Variants in COL4A2 observed in about 807,000 individuals in gnomAD.
COL4A2 encodes the protein collagen type IV alpha 2 chain, also known as collagen alpha-2(IV) chain.
A neutral mutation model predicts 200.2 loss-of-function variants in COL4A2; 99 were observed. The observed-to-expected ratio is 0.49, with a 90% CI of 0.42 to 0.58. The LOEUF (loss-of-function observed/expected upper bound fraction) is 0.58, where lower values mean the gene tolerates loss of function less well. COL4A2 is among the 20% of genes least tolerant of loss of function. The probability of loss-of-function intolerance (pLI) is 0.00; values close to 1 mark genes in which losing one functional copy is unlikely to be tolerated. For missense variants in COL4A2, 1,950 were observed against 2,314.1 expected, an observed-to-expected ratio of 0.84 and a Z score of 3.23; for synonymous variants, 897 against 900.6, an observed-to-expected ratio of 1.00 and a Z score of 0.07.
chr13:110,325,763 A>G (rs1885390670), intron 3 of COL4A2, among the ~76,000 whole-genome samples: 1 of 151,508 alleles, frequency 6.6e-6, no homozygotes, highest in South Asian at 2.1e-4. Flanking sequence ...TTCCTGCCTT[A>G]TGAATGTGTC....
rs746902322 is a variant in COL4A2, at chr13:110,482,622, C to G, written c.2865C>G (p.Pro955=). 6.2e-7 allele frequency: 1 copy of G among 1,613,928 alleles called. No homozygotes were observed. Residue 955 remains proline, a synonymous_variant, in exon 32 of 48, where the codon CCC becomes CCG. Coordinates refer to ENST00000360467, the MANE Select transcript of COL4A2 (RefSeq NM_001846.4). The part of the protein sequence containing the change: ...SKGEAGFFGI[P]GLKGLAGEPG... ...GCGAGGCTGGATTTTTCGGAATACC[C>G]GGTCTGAAGGGTCTGGCTGGTGAGC... is the stretch of plus-strand genomic sequence containing the variant.
intron 4 of COL4A2, among the ~76,000 whole-genome samples, chr13:110,419,959 C>T (rs1258529788): frequency 3.9e-5 from 6 of 152,188 alleles, no homozygotes; most frequent in Non-Finnish European, 7.3e-5. Context: ...TTGAAAGTCA[C>T]CTATCTCTTC....
intron 4 of COL4A2, among the ~76,000 whole-genome samples, chr13:110,392,392 G>C (rs769245794): frequency 6.6e-6 from 1 of 152,188 alleles, no homozygotes; most frequent in Non-Finnish European, 1.5e-5. Flanking sequence ...GGTGGGTTTT[G>C]AAGAGGAGGA....
At chr13:110,399,200 C>T (rs754982414) in intron 4 of COL4A2, among the ~76,000 whole-genome samples, 5 of 152,194 alleles carry the variant, frequency 3.3e-5, no homozygotes, top group Non-Finnish European at 7.3e-5. Context: ...TTAACTCACA[C>T]ATCCGCACAG....
rs184646236 is a variant in COL4A2 at position 110,443,859 on chromosome 13, C to T, written c.958-1970C>T. 2.0e-5 allele frequency among the ~76,000 whole-genome samples: 3 copies of T among 152,318 alleles called. No homozygotes were observed. The East Asian group carries it at 5.8e-4, about 29-fold the overall frequency. On this transcript the variant is annotated intron_variant, in intron 16 of 47. Transcript: ENST00000360467. ...CTTGGCCATCCCTGCGCCTCCCCGA[C>T]CCTGTTGTGTTTGCCACTGAGAAAC...
At chr13:110,337,265 T>C (rs906485195) in intron 3 of COL4A2, among the ~76,000 whole-genome samples, 1 of 152,198 alleles carries the variant, frequency 6.6e-6, no homozygotes, top group Non-Finnish European at 1.5e-5. Flanking sequence ...CACAGCCAAG[T>C]TTGGAAACCA....
intron 4 of COL4A2, among the ~76,000 whole-genome samples, chr13:110,371,270 T>C (rs1216167149): frequency 6.6e-6 from 1 of 152,242 alleles, no homozygotes; most frequent in Admixed American, 6.5e-5. Flanking sequence ...TTCCTACAAT[T>C]AAGATACTTA....
intron 15 of COL4A2, among the ~76,000 whole-genome samples, chr13:110,438,870 A>G (rs1361584243): frequency 6.9e-6 from 1 of 144,738 alleles, no homozygotes; most frequent in Non-Finnish European, 1.5e-5. Context: ...TGCGCTGGCT[A>G]CAATCCGTGA....
At chr13:110,449,393 C>T (rs1484883731) in intron 18 of COL4A2, among the ~76,000 whole-genome samples, 3 of 152,108 alleles carry the variant, frequency 2.0e-5, no homozygotes, top group African/African-American at 4.8e-5. Context: ...GAGGCCTCCT[C>T]GCTCCCAGGC....
chr13:110,457,581 G>A (rs769893034), intron 21 of COL4A2, 146 bp downstream of exon 21: 3 of 707,466 alleles, frequency 4.2e-6, no homozygotes, highest in South Asian at 1.5e-5. Flanking sequence ...TCCCCTTGGC[G>A]GTGGCACTGA....
At chr13:110,400,800 T>C (rs184587996) in intron 4 of COL4A2, among the ~76,000 whole-genome samples, 121 of 152,224 alleles carry the variant, frequency 7.9e-4, no homozygotes, top group Admixed American at 2.4e-3. Context: ...CGTACACATA[T>C]TCTGGTTACA....
At position 110,506,301 on chromosome 13, in the gene COL4A2, C is replaced by T. The variant is rs1290819057; in HGVS notation, c.4403-114C>T. ...CTCTCGGGCTGCAGGTGCACCAGGC[C>T]GTCCACTCTCTCTCTCTCTCTCAGG... is the stretch of plus-strand genomic sequence containing the variant. On this transcript the variant is annotated intron_variant, in intron 45 of 47. Transcript: ENST00000360467. 74 of 1,124,500 alleles carry T rather than the reference C, an allele frequency of 6.6e-5. No homozygotes were observed. In the East Asian group the frequency reaches 1.9e-3, roughly 28 times the overall value. The allele number at this position is 1,124,500 out of a possible 1,614,324, so 69.7% of individuals were successfully genotyped here. A position where few individuals can be genotyped will look rare whatever the true frequency, so the allele number is the denominator to read the frequency against.
chr13:110,347,763 C>T (rs916725533), intron 3 of COL4A2, among the ~76,000 whole-genome samples: 2 of 152,256 alleles, frequency 1.3e-5, no homozygotes, highest in African/African-American at 4.8e-5. Context: ...GCCAATAGCA[C>T]ACTGTGTGTG....
At chr13:110,446,650 C>T (rs1256058475) in intron 17 of COL4A2, 148 bp from the exon 18 acceptor site, 7 of 637,032 alleles carry the variant, frequency 1.1e-5, no homozygotes, top group Middle Eastern at 4.5e-4. Context: ...GGATGCTGCC[C>T]CAGGCACTGT....
Position 110,307,796 on chromosome 13 carries a change from C to A in COL4A2, c.-44-64C>A. ...TGTCCCCGCGTCTCGCGGACCGAGA[C>A]CGGCGGTGAGGATGGGCTGCCTCCC... On this transcript the variant is annotated intron_variant, in intron 1 of 47. Coordinates refer to ENST00000360467, the MANE Select transcript of COL4A2 (RefSeq NM_001846.4). This position sits in a 1 kb window ranked among gnomAD's most constrained non-coding sequence, Gnocchi z 5.0. 2 of 1,422,850 alleles carry A rather than the reference C, an allele frequency of 1.4e-6. No homozygotes were observed. Among genetic ancestry groups the A allele is most frequent in the East Asian group, 4.9e-5 (2 of 40,812 alleles). 88.1% of individuals were successfully genotyped at this position (1,422,850 alleles called of 1,614,324 possible). A position where few individuals can be genotyped will look rare whatever the true frequency, so the allele number is the denominator to read the frequency against.
chr13:110,509,272 C>T (rs9521812), intron 47 of COL4A2, among the ~76,000 whole-genome samples: 52,426 of 78,300 alleles, frequency 0.67, 16,068 homozygotes, highest in Non-Finnish European at 0.74. Context: ...TATATATATA[C>T]ACACACACAC....
At chr13:110,368,189 C>G (rs946498192) in intron 4 of COL4A2, among the ~76,000 whole-genome samples, 1 of 152,164 alleles carries the variant, frequency 6.6e-6, no homozygotes, top group Non-Finnish European at 1.5e-5. Context: ...CCACTCTGTT[C>G]TAAGGACTCC....
At chr13:110,315,689 C>T (rs1317249742) in intron 3 of COL4A2, among the ~76,000 whole-genome samples, 1 of 152,198 alleles carries the variant, frequency 6.6e-6, no homozygotes, top group Non-Finnish European at 1.5e-5. Context: ...AGCCACCACG[C>T]CCTGCCATCA....
In COL4A2 at chr13:110,469,342, C is replaced by T. The variant is rs1266869313; in HGVS notation, c.2203+18C>T. On this transcript the variant is annotated intron_variant, in intron 28 of 47. Transcript: ENST00000360467. ...ACCCCCAGGTGAGTTGAGATCAGAC[C>T]CCCATTCAGCCCCTGGGTTCCAGCG... 9.0e-6 allele frequency: 14 copies of T among 1,556,918 alleles called. No homozygotes were observed. The highest frequency in any genetic ancestry group is 1.2e-5 in the Non-Finnish European group (14 of 1,150,046).
Sources: allele counts gnomAD v4.1 joint callset (sites outside exome capture counted in the v4.1 genomes callset), GRCh38; gene constraint gnomAD v4.1.1; non-coding constraint Gnocchi (gnomAD v3.1); transcripts MANE v1.5; gene names NCBI Gene and HGNC (gene_info 2026-07-23, HGNC 2026-07-21).